The following RNASE10 variants were observed in gnomAD, a reference collection of about 807,000 sequenced individuals.
The protein encoded by RNASE10 is inactive ribonuclease-like protein 10.
In RNASE10, 2 loss-of-function variants were observed where a neutral mutation model predicts 1.1. That is an observed-to-expected ratio of 1.82 (90% CI 0.74 to 5.73). RNASE10 has a LOEUF of 5.73. Among genes scored for constraint, RNASE10 ranks in the 30% most tolerant of loss-of-function variants. RNASE10 has a pLI of 0.05. For synonymous variants in RNASE10, 97 were observed against 96.2 expected, an observed-to-expected ratio of 1.01 and a Z score of -0.05; for missense variants, 276 against 263.4, an observed-to-expected ratio of 1.05 and a Z score of -0.33.
chr14:20,506,373 C>G (rs1882717912), intron 1 of RNASE10, among the ~76,000 whole-genome samples: 1 of 126,796 alleles, frequency 7.9e-6, no homozygotes, highest in Non-Finnish European at 1.7e-5. Context: ...GCGCCTCTGC[C>G]CGGCCGCCCC....
At chr14:20,509,640 A>G (rs1882844309) in intron 1 of RNASE10, among the ~76,000 whole-genome samples, 1 of 152,156 alleles carries the variant, frequency 6.6e-6, no homozygotes, top group South Asian at 2.1e-4. Flanking sequence ...GGGTAACAAG[A>G]AGAGTAATAG....
At chr14:20,508,402 G>A (rs951984800) in intron 1 of RNASE10, among the ~76,000 whole-genome samples, 33 of 152,168 alleles carry the variant, frequency 2.2e-4, no homozygotes, top group African/African-American at 7.7e-4. Flanking sequence ...ATCTCTCACC[G>A]TCTCACTCCA....
chr14:20,504,766 A>G (rs1882648628), upstream of RNASE10, among the ~76,000 whole-genome samples: 1 of 149,684 alleles, frequency 6.7e-6, no homozygotes, highest in Admixed American at 6.7e-5. Flanking sequence ...GCATCACCAC[A>G]GCATTCTACC....
At chr14:20,506,557 C>A (rs1882726847) in intron 1 of RNASE10, among the ~76,000 whole-genome samples, 1 of 112,268 alleles carries the variant, frequency 8.9e-6, no homozygotes, top group African/African-American at 3.8e-5. Flanking sequence ...TGCCCGGCCG[C>A]CCCTACTGGG....
chr14:20,507,620 A>AT (rs1882783040), intron 1 of RNASE10, among the ~76,000 whole-genome samples: 1 of 72,554 alleles, frequency 1.4e-5, no homozygotes, highest in Non-Finnish European at 3.4e-5. Context: ...TTAAAAAAAT[A>AT]AATAAATAAA....
intron 1 of RNASE10, among the ~76,000 whole-genome samples, chr14:20,509,692 A>G (rs1282763130): frequency 6.6e-6 from 1 of 152,198 alleles, no homozygotes; most frequent in Non-Finnish European, 1.5e-5. Context: ...AAAAATAAAG[A>G]GATGGTCTTC....
At chr14:20,505,285 TCTCCCTCTCCCTCTC>T (rs1566535868), upstream of RNASE10, among the ~76,000 whole-genome samples, 3 of 25,722 alleles carry the variant, frequency 1.2e-4, no homozygotes, top group African/African-American at 4.8e-4. Flanking sequence ...TCCCTCTCCC[TCTCCCTCTCCCTCTC>T]CCTCTCCCTC....
chr14:20,511,258 G>C, downstream of RNASE10: 1 of 651,762 alleles, frequency 1.5e-6, no homozygotes, highest in Non-Finnish European at 2.3e-6. Flanking sequence ...CACCCAACTT[G>C]CATTTTGTTC....
At chr14:20,505,263 TCC>T (rs1283864659), upstream of RNASE10, among the ~76,000 whole-genome samples, 6 of 8,478 alleles carry the variant, frequency 7.1e-4, no homozygotes, top group Non-Finnish European at 2.1e-4. Context: ...GTGAGTTTGC[TCC>T]CTCTCCCTCT....
intron 1 of RNASE10, among the ~76,000 whole-genome samples, chr14:20,509,765 T>C (rs1299881164): frequency 2.0e-5 from 3 of 151,752 alleles, no homozygotes; most frequent in African/African-American, 7.3e-5. Context: ...TAAAGGAGAG[T>C]GTGACACTGT....
rs1189154484 is a variant in RNASE10 at position 20,509,963 on chromosome 14, A to AAG, written c.80-503_80-502insGA. 7.9e-5 allele frequency among the ~76,000 whole-genome samples: 12 copies of AAG among 151,128 alleles called. No homozygotes were observed. In the East Asian group the frequency reaches 2.1e-3, roughly 27 times the overall value. ...TAGCGAGACTCGTCTCAAAAAAAAA[A>AAG]AAAAAAAGAGCTGGGCATGGTAGTG... On this transcript the variant is annotated intron_variant, in intron 1 of 1. Coordinates refer to ENST00000430083, the Ensembl canonical transcript of RNASE10.
rs189637314 is a variant in RNASE10 at position 20,508,676 on chromosome 14, G to A, written c.80-1791G>A. 3.0e-3 allele frequency among the ~76,000 whole-genome samples: 456 copies of A among 152,156 alleles called. 1 individual carries two copies. Among genetic ancestry groups the A allele is most frequent in the Non-Finnish European group, 3.9e-3 (265 of 68,028 alleles). On this transcript the variant is annotated intron_variant, in intron 1 of 1. Transcript: ENST00000430083. Reference sequence around the variant, plus strand: ...GTCTCAACTTAATAAGGAAAGGGGGGAAAAACATGCTGCAATTGGTAAAAT... The same window carrying A: ...GTCTCAACTTAATAAGGAAAGGGGGAAAAAACATGCTGCAATTGGTAAAAT...
At chr14:20,505,265 CCT>C (rs1353875549), upstream of RNASE10, among the ~76,000 whole-genome samples, 171 of 9,022 alleles carry the variant, frequency 0.019, no homozygotes, top group Non-Finnish European at 0.025. Flanking sequence ...GAGTTTGCTC[CCT>C]CTCCCTCTCC....
chr14:20,507,121 G>T (rs1308774192), intron 1 of RNASE10, among the ~76,000 whole-genome samples: 1 of 149,126 alleles, frequency 6.7e-6, no homozygotes, highest in Non-Finnish European at 1.5e-5. Flanking sequence ...TGTGCCCAGC[G>T]GCTCATTGGG....
At chr14:20,504,270 C>A (rs765046345), upstream of RNASE10, among the ~76,000 whole-genome samples, 2 of 152,130 alleles carry the variant, frequency 1.3e-5, no homozygotes, top group Non-Finnish European at 2.9e-5. Context: ...GGGCACTGCT[C>A]ACGAAGAAGG....
At chr14:20,506,294 C>A (rs1882713462) in intron 1 of RNASE10, among the ~76,000 whole-genome samples, 1 of 115,518 alleles carries the variant, frequency 8.7e-6, no homozygotes. Flanking sequence ...GGCCAGCCGC[C>A]CCGTCCGGGA....
At chr14:20,506,291 C>T (rs1291521455) in intron 1 of RNASE10, among the ~76,000 whole-genome samples, 3 of 118,024 alleles carry the variant, frequency 2.5e-5, no homozygotes, top group African/African-American at 6.9e-5. Context: ...CCCGGCCAGC[C>T]GCCCCGTCCG....
chr14:20,511,120 T>C, exon 2 of RNASE10: 1 of 1,484,818 alleles, frequency 6.7e-7, no homozygotes. Flanking sequence ...AACTGGACAA[T>C]GAAGCAACTC....
chr14:20,506,242 T>C, intron 1 of RNASE10, among the ~76,000 whole-genome samples: 1 of 107,964 alleles, frequency 9.3e-6, no homozygotes, highest in Non-Finnish European at 2.0e-5. Context: ...GGGGCTCCTC[T>C]GCCCGGCCGC....
Sources: allele counts gnomAD v4.1 joint callset (sites outside exome capture counted in the v4.1 genomes callset), GRCh38; gene constraint gnomAD v4.1.1; transcripts MANE v1.5; gene names NCBI Gene and HGNC (gene_info 2026-07-23, HGNC 2026-07-21).